The following TMEM117 variants were observed in gnomAD, a reference collection of about 807,000 sequenced individuals.
The protein encoded by TMEM117 is transmembrane protein 117.
A neutral mutation model predicts 52.4 loss-of-function variants in TMEM117; 27 were observed. The ratio of observed to expected loss-of-function variants is 0.51; its 90% CI spans 0.38 to 0.71. The LOEUF is 0.71. Among genes scored for constraint, TMEM117 ranks in the 30% least tolerant of loss-of-function variants. The pLI, the probability that TMEM117 is intolerant of heterozygous loss-of-function variation, is 0.00. For synonymous variants in TMEM117, 215 were observed against 206.3 expected (o/e 1.04, Z -0.36); for missense variants, 556 against 630.5 (o/e 0.88, Z 1.26).
chr12:44,318,010 T>G (rs563890342), intron 6 of TMEM117, among the ~76,000 whole-genome samples: 1 of 152,252 alleles, frequency 6.6e-6, no homozygotes, highest in African/African-American at 2.4e-5. Flanking sequence ...CTTGGTAACC[T>G]GCTTGGCCCT....
intron 3 of TMEM117, among the ~76,000 whole-genome samples, chr12:44,115,564 A>G (rs1015362129): frequency 6.6e-6 from 1 of 151,874 alleles, no homozygotes; most frequent in African/African-American, 2.4e-5. Context: ...CTGAAGTCAT[A>G]TAACTTGTTA....
intron 5 of TMEM117, among the ~76,000 whole-genome samples, chr12:44,292,525 C>G (rs2138624187): frequency 6.6e-6 from 1 of 151,988 alleles, no homozygotes; most frequent in East Asian, 1.9e-4. Flanking sequence ...TCTTCTTTTC[C>G]TAGTTCCTTG....
At chr12:43,945,168 C>T (rs909880602) in intron 3 of TMEM117, among the ~76,000 whole-genome samples, 10 of 144,394 alleles carry the variant, frequency 6.9e-5, no homozygotes, top group Non-Finnish European at 1.5e-4. Flanking sequence ...TAACTCCTAG[C>T]TTGTGATATA....
At chr12:44,151,761 T>G (rs1444551639) in intron 4 of TMEM117, among the ~76,000 whole-genome samples, 1 of 148,182 alleles carries the variant, frequency 6.7e-6, no homozygotes, top group African/African-American at 2.5e-5. Context: ...GATGGCTCCC[T>G]TAACATTTCT....
chr12:44,113,833 C>G (rs1208921297), intron 3 of TMEM117, among the ~76,000 whole-genome samples: 81 of 40,488 alleles, frequency 2.0e-3, no homozygotes, highest in East Asian at 9.2e-3. Flanking sequence ...AGTTTGATCT[C>G]AGACTGCTGT....
At chr12:44,364,536 A>C (rs548635764) in intron 6 of TMEM117, among the ~76,000 whole-genome samples, 1 of 152,240 alleles carries the variant, frequency 6.6e-6, no homozygotes, top group South Asian at 2.1e-4. Flanking sequence ...TTTAAAATCA[A>C]ATATAAAGAA....
chr12:43,811,133 C>T, the TMEM117 span, among the ~76,000 whole-genome samples: 1 of 152,134 alleles, frequency 6.6e-6, no homozygotes, highest in African/African-American at 2.4e-5. Context: ...GCTAAAAGTT[C>T]ACATTTCTAC....
At chr12:44,127,740 G>A (rs140085749) in intron 3 of TMEM117, among the ~76,000 whole-genome samples, 4 of 152,074 alleles carry the variant, frequency 2.6e-5, no homozygotes, top group African/African-American at 9.6e-5. Flanking sequence ...TAGCCAATCC[G>A]TTGAAAGGCT....
At chr12:43,886,324 A>G (rs1943993617) in intron 2 of TMEM117, among the ~76,000 whole-genome samples, 1 of 152,208 alleles carries the variant, frequency 6.6e-6, no homozygotes, top group African/African-American at 2.4e-5. Context: ...GTATGGTGTC[A>G]TAGGCATCAA....
chr12:43,850,872 G>GTGA (rs146867925), intron 2 of TMEM117, among the ~76,000 whole-genome samples: 16 of 150,594 alleles, frequency 1.1e-4, no homozygotes, highest in South Asian at 4.2e-4. Flanking sequence ...GATGATGATG[G>GTGA]TGATGATGAT....
At chr12:43,902,810 A>C (rs1027344545) in intron 2 of TMEM117, among the ~76,000 whole-genome samples, 2 of 152,230 alleles carry the variant, frequency 1.3e-5, no homozygotes, top group African/African-American at 4.8e-5. Flanking sequence ...GCATATTAGT[A>C]AATAAGATTT....
At chr12:44,186,008 G>A (rs1949273657) in intron 4 of TMEM117, among the ~76,000 whole-genome samples, 1 of 151,772 alleles carries the variant, frequency 6.6e-6, no homozygotes, top group South Asian at 2.1e-4. Flanking sequence ...TTTAAAACAT[G>A]TAATCAGAAT....
intron 6 of TMEM117, among the ~76,000 whole-genome samples, chr12:44,312,257 T>C (rs1951000290): frequency 6.6e-6 from 1 of 151,974 alleles, no homozygotes; most frequent in Non-Finnish European, 1.5e-5. Context: ...TCAGCCCTTG[T>C]CCCTTCCCTT....
chr12:44,107,334 T>G (rs1947974334), intron 3 of TMEM117, among the ~76,000 whole-genome samples: 1 of 152,144 alleles, frequency 6.6e-6, no homozygotes, highest in African/African-American at 2.4e-5. Flanking sequence ...ATTAACACAT[T>G]CTCTTTTAAG....
intron 3 of TMEM117, among the ~76,000 whole-genome samples, chr12:44,001,388 G>C (rs917391119): frequency 2.0e-5 from 3 of 152,128 alleles, no homozygotes; most frequent in Non-Finnish European, 2.9e-5. Flanking sequence ...GGGGTTGCTG[G>C]AACATCAGCA....
At chr12:43,965,204 G>T (rs1324870448) in intron 3 of TMEM117, among the ~76,000 whole-genome samples, 1 of 152,186 alleles carries the variant, frequency 6.6e-6, no homozygotes, top group Non-Finnish European at 1.5e-5. Flanking sequence ...TTTGCTGAAG[G>T]CAAAGGATGA....
chr12:44,191,501 A>G (rs1384632121), intron 4 of TMEM117, among the ~76,000 whole-genome samples: 2 of 152,160 alleles, frequency 1.3e-5, no homozygotes, highest in African/African-American at 4.8e-5. Context: ...ATCTGGTCTC[A>G]ATAAGTTTTG....
At chr12:44,081,180 C>T (rs80286252) in intron 3 of TMEM117, among the ~76,000 whole-genome samples, 2,970 of 152,184 alleles carry the variant, frequency 0.02, 80 homozygotes, top group East Asian at 0.057. Context: ...ACACATGAAG[C>T]AGAAAAATAT....
At chr12:43,881,210 A>G (rs1166123580) in intron 2 of TMEM117, among the ~76,000 whole-genome samples, 2 of 152,176 alleles carry the variant, frequency 1.3e-5, no homozygotes, top group Non-Finnish European at 2.9e-5. Flanking sequence ...GCTAGGATTT[A>G]TTTTACTTTA....
Sources: allele counts gnomAD v4.1 joint callset (sites outside exome capture counted in the v4.1 genomes callset), GRCh38; gene constraint gnomAD v4.1.1; transcripts MANE v1.5; gene names NCBI Gene and HGNC (gene_info 2026-07-23, HGNC 2026-07-21).